The following PDCD6IP variants were observed in gnomAD, a reference collection of about 807,000 sequenced individuals.
The protein encoded by PDCD6IP is programmed cell death 6-interacting protein.
PDCD6IP carries 43 observed loss-of-function variants against 103.7 expected under a neutral mutation model. The observed-to-expected ratio is 0.41, with a 90% confidence interval of 0.32 to 0.53. The LOEUF is 0.53. Ranked by LOEUF, PDCD6IP falls within the 20% of genes least tolerant of loss-of-function variation. PDCD6IP has a pLI of 0.16. For missense variants in PDCD6IP, 871 were observed against 1,036.7 expected, an observed-to-expected ratio of 0.84 and a Z score of 2.20; for synonymous variants, 354 against 378.7, an observed-to-expected ratio of 0.93 and a Z score of 0.76.
intron 8 of PDCD6IP, among the ~76,000 whole-genome samples, chr3:33,837,606 T>TG (rs1697377988): frequency 6.6e-6 from 1 of 151,836 alleles, no homozygotes; most frequent in African/African-American, 2.4e-5. Flanking sequence ...TTTTTTTTTT[T>TG]GAGACCGAGT....
chr3:33,854,390 A>G (rs939117527), intron 14 of PDCD6IP, among the ~76,000 whole-genome samples: 7 of 152,106 alleles, frequency 4.6e-5, no homozygotes, highest in Non-Finnish European at 8.8e-5. Flanking sequence ...CATGACTTTT[A>G]TGTTCTCTGC....
chr3:33,836,155 G>A lies in PDCD6IP; in HGVS notation c.946G>A (p.Asp316Asn), dbSNP rs772115635. The A allele has an allele frequency of 1.1e-5, 17 of 1,610,976 alleles. No individual in the cohort carries two copies. Among genetic ancestry groups the A allele is most frequent in the Non-Finnish European group, 1.1e-5 (13 of 1,177,302 alleles). ...CCTTGCTGCAGCAAAGAAGGATAAT[G>A]ACTTCATTTATCATGATCGAGTTCC... ...RALAAAKKDN[D>N]FIYHDRVPDL... The change falls in exon 8 of 18, where the codon GAC becomes AAC. Residue 316 changes from aspartate to asparagine, a missense_variant. Physicochemically the swap from Asp to Asn is conservative, Grantham distance 23. Transcript: ENST00000307296.
chr3:33,837,735 C>G (rs1385241988), intron 8 of PDCD6IP, among the ~76,000 whole-genome samples: 1 of 152,100 alleles, frequency 6.6e-6, no homozygotes, highest in Non-Finnish European at 1.5e-5. Flanking sequence ...ACTACAGGCT[C>G]CTACCATTAC....
chr3:33,860,065 G>A (rs1697918743), intron 15 of PDCD6IP, among the ~76,000 whole-genome samples: 1 of 152,124 alleles, frequency 6.6e-6, no homozygotes, highest in Admixed American at 6.5e-5. Flanking sequence ...AGTGTGTAGA[G>A]TATGTTTTGT....
In PDCD6IP at chr3:33,804,860, C is replaced by T. The variant is rs534178002; in HGVS notation, c.209+5923C>T. Reference sequence around the variant, plus strand: ...AAGAAAGAAGTGTGAAAATAAAGTTCACAAAGAATCTATGAACTCCAGCCA... The same window carrying T: ...AAGAAAGAAGTGTGAAAATAAAGTTTACAAAGAATCTATGAACTCCAGCCA... On this transcript the variant is annotated intron_variant, in intron 1 of 17. Transcript: ENST00000307296. Among the ~76,000 whole-genome samples the T allele has an allele frequency of 3.3e-5, 5 of 152,300 alleles. No homozygotes were observed. In the East Asian group the frequency reaches 9.6e-4, roughly 29 times the overall value.
At chr3:33,824,217 G>A (rs969196912) in intron 4 of PDCD6IP, among the ~76,000 whole-genome samples, 1 of 150,364 alleles carries the variant, frequency 6.7e-6, no homozygotes, top group African/African-American at 2.4e-5. Context: ...TTGACTTTGA[G>A]TTTTCTCTGT....
In PDCD6IP at chr3:33,866,386, C is replaced by G; in HGVS notation, c.2468C>G (p.Pro823Arg). The G allele has an allele frequency of 6.3e-7, 1 of 1,598,586 alleles. No individual in the cohort carries two copies. The highest frequency in any genetic ancestry group is 8.5e-7 in the Non-Finnish European group (1 of 1,173,230). ...ATGCCCATGCCCATGGGCTATAATC[C>G]TTATGCGTATGGCCAGTATAATATG... Reference protein sequence around the residue: ...CQMPMPMGYNPYAYGQYNMPY... With the variant: ...CQMPMPMGYNRYAYGQYNMPY... Residue 823 changes from proline to arginine, a missense_variant, in exon 18 of 18, where the codon CCT (proline) becomes CGT (arginine). Around this residue, in one of 5 missense-constraint regions of PDCD6IP, gnomAD observed 202 missense variants for 205.2 expected, o/e 0.98. Coordinates refer to ENST00000307296, the MANE Select transcript of PDCD6IP (RefSeq NM_013374.6).
intron 1 of PDCD6IP, chr3:33,811,209 C>A (rs941167331): frequency 2.3e-5 from 5 of 215,198 alleles, no homozygotes; most frequent in South Asian, 9.8e-5. Flanking sequence ...TATCTCTGAC[C>A]TTGGGAAACT....
At chr3:33,850,415 G>A (rs1697688248) in intron 12 of PDCD6IP, among the ~76,000 whole-genome samples, 1 of 152,054 alleles carries the variant, frequency 6.6e-6, no homozygotes, top group Non-Finnish European at 1.5e-5. Context: ...ATACAGAGAA[G>A]CCTCATTCCT....
intron 17 of PDCD6IP, 30 bp downstream of exon 17, chr3:33,865,460 TG>T (rs1698044616): frequency 6.5e-7 from 1 of 1,548,646 alleles, no homozygotes; most frequent in African/African-American, 1.4e-5. Context: ...TATCCCAAGT[TG>T]GCTAATGTTG....
rs1199787946 is a variant in PDCD6IP, at chr3:33,798,755, G to A, written c.27G>A (p.Leu9=). 2.5e-6 allele frequency: 4 copies of A among 1,572,578 alleles called. No individual in the cohort carries two copies. Among genetic ancestry groups the A allele is most frequent in the Admixed American group, 3.7e-5 (2 of 54,212 alleles). ...TGGCGACATTCATCTCGGTGCAGCTGAAAAAGACCTCAGAGGTGGACCTGG... is the reference window on the plus strand; with the variant it reads ...TGGCGACATTCATCTCGGTGCAGCTAAAAAAGACCTCAGAGGTGGACCTGG... MATFISVQ[L]KKTSEVDLAK... Residue 9 remains leucine, a synonymous_variant, in exon 1 of 18, where the codon CTG becomes CTA. Coordinates refer to ENST00000307296, the MANE Select transcript of PDCD6IP (RefSeq NM_013374.6).
In PDCD6IP at chr3:33,837,635, C is replaced by T. The variant is rs1364289423; in HGVS notation, c.1058-569C>T. ...ACCGAGTCTTGCTCTGTTGCCCAGGCTGTGGTGCAGTGGTGCAATCTCGGC... is the reference window on the plus strand; with the variant it reads ...ACCGAGTCTTGCTCTGTTGCCCAGGTTGTGGTGCAGTGGTGCAATCTCGGC... On this transcript the variant is annotated intron_variant, in intron 8 of 17. Transcript: ENST00000307296. Among the ~76,000 whole-genome samples, 6 of 151,616 alleles carry T rather than the reference C, an allele frequency of 4.0e-5. No homozygotes were observed. The East Asian group carries it at 1.2e-3, about 29-fold the overall frequency.
At position 33,808,420 on chromosome 3, in the gene PDCD6IP, G is replaced by A. The variant is rs148620861; in HGVS notation, c.210-3652G>A. Among the ~76,000 whole-genome samples the A allele has an allele frequency of 9.9e-3, 1,500 of 152,216 alleles. 34 individuals are homozygous for A. Among genetic ancestry groups the A allele is most frequent in the African/African-American group, 0.034 (1,419 of 41,542 alleles). On this transcript the variant is annotated intron_variant, in intron 1 of 17. Coordinates refer to ENST00000307296, the MANE Select transcript of PDCD6IP (RefSeq NM_013374.6). Reference sequence around the variant, plus strand: ...CGCTGCATAGTCCCTTTGGGGGACTGTAGGCCCACCACCACACCTGGCTGA... The same window carrying A: ...CGCTGCATAGTCCCTTTGGGGGACTATAGGCCCACCACCACACCTGGCTGA...
intron 1 of PDCD6IP, among the ~76,000 whole-genome samples, chr3:33,809,028 TA>T (rs1696659047): frequency 6.6e-6 from 1 of 152,220 alleles, no homozygotes; most frequent in Admixed American, 6.5e-5. Flanking sequence ...TCATGCCTTT[TA>T]TGGTCATGCT....
chr3:33,859,923 G>T (rs1697915692), intron 15 of PDCD6IP, among the ~76,000 whole-genome samples: 1 of 152,152 alleles, frequency 6.6e-6, no homozygotes, highest in Non-Finnish European at 1.5e-5. Context: ...TAGAAACAAA[G>T]TGACCAGGGC....
intron 15 of PDCD6IP, among the ~76,000 whole-genome samples, chr3:33,861,515 G>GCCA (rs1697954919): frequency 2.0e-5 from 3 of 152,248 alleles, no homozygotes; most frequent in African/African-American, 7.2e-5. Flanking sequence ...GTCATGTGTG[G>GCCA]CTAATGGTTA....
intron 6 of PDCD6IP, chr3:33,828,633 ACC>A (rs1697180999): frequency 3.0e-6 from 1 of 332,738 alleles, no homozygotes; most frequent in Non-Finnish European, 5.5e-6. Context: ...GTTAAAAAAA[ACC>A]CCTTCAATTG....
chr3:33,807,483 G>A (rs1335355480), intron 1 of PDCD6IP, among the ~76,000 whole-genome samples: 3 of 152,164 alleles, frequency 2.0e-5, no homozygotes, highest in Admixed American at 6.5e-5. Flanking sequence ...TCTGCTTGGC[G>A]TTGGCTTGGC....
Position 33,868,659 on chromosome 3 carries a change from C to T in PDCD6IP, c.*2134C>T, listed in dbSNP as rs1698119638. On this transcript the variant is annotated 3_prime_UTR_variant, in exon 18 of 18. Coordinates refer to ENST00000307296, the MANE Select transcript of PDCD6IP (RefSeq NM_013374.6). ...CCCTTTATTACTGTTAAGGATCATA[C>T]TGTTGGTTTGGAGTTGGAAGGGTAC... 6.6e-6 allele frequency: 1 copy of T among 152,170 alleles called. No homozygotes were observed. The highest frequency in any genetic ancestry group is 2.1e-4 in the South Asian group (1 of 4,828). 9.4% of individuals were successfully genotyped at this position (152,170 alleles called of 1,614,324 possible).
Sources: gnomAD v4.1 joint callset for allele counts (sites outside exome capture counted in the v4.1 genomes callset) on GRCh38, gnomAD v4.1.1 for gene constraint, gnomAD v4.1.1 regional missense constraint, MANE v1.5 for transcripts, NCBI Gene and HGNC (gene_info 2026-07-23, HGNC 2026-07-21) for gene names.